Variants in TMEM178A observed in about 807,000 individuals in gnomAD.
TMEM178A encodes the protein transmembrane protein 178.
In TMEM178A, 12 loss-of-function variants were observed where a neutral mutation model predicts 29.1. That is an observed-to-expected ratio of 0.41 (90% confidence interval 0.26 to 0.67). TMEM178A has a LOEUF of 0.67. Among genes scored for constraint, TMEM178A ranks in the 30% least tolerant of loss-of-function variants. The pLI, the probability that TMEM178A is intolerant of heterozygous loss-of-function variation, is 0.29. For missense variants in TMEM178A, 366 were observed against 419.1 expected (o/e 0.87, Z 1.11); for synonymous variants, 210 against 187.2 (o/e 1.12, Z -0.99).
At chr2:39,695,331 G>T (rs951987937) in intron 1 of TMEM178A, among the ~76,000 whole-genome samples, 14 of 151,712 alleles carry the variant, frequency 9.2e-5, no homozygotes, top group African/African-American at 3.4e-4. Flanking sequence ...AACTGTTTCA[G>T]ACATACCTCT....
At chr2:39,702,913 A>G (rs1399321373) in intron 1 of TMEM178A, among the ~76,000 whole-genome samples, 1 of 152,148 alleles carries the variant, frequency 6.6e-6, no homozygotes. Context: ...TACATTTTTA[A>G]CGAGCCACCT....
downstream of TMEM178A, among the ~76,000 whole-genome samples, chr2:39,721,326 A>G (rs972966129): frequency 6.6e-6 from 1 of 152,258 alleles, no homozygotes; most frequent in Non-Finnish European, 1.5e-5. Flanking sequence ...TAATTGTCCT[A>G]AAACATTAGA....
chr2:39,706,978 C>T, intron 2 of TMEM178A, 71 bp from the exon 3 acceptor site: 4 of 1,531,114 alleles, frequency 2.6e-6, no homozygotes, highest in Non-Finnish European at 3.5e-6. Context: ...GTATACAAAG[C>T]CCTAATTCTC....
chr2:39,706,371 C>T (rs536652878), intron 2 of TMEM178A, among the ~76,000 whole-genome samples: 1 of 152,300 alleles, frequency 6.6e-6, no homozygotes, highest in African/African-American at 2.4e-5. Context: ...CATTTCTGAG[C>T]AGATGTTTCA....
intron 1 of TMEM178A, among the ~76,000 whole-genome samples, chr2:39,684,828 C>T (rs920615613): frequency 6.6e-6 from 1 of 152,226 alleles, no homozygotes; most frequent in East Asian, 1.9e-4. Context: ...AACCCTGTCC[C>T]CTACACCTTC....
the TMEM178A span, among the ~76,000 whole-genome samples, chr2:39,735,583 C>T: frequency 4.3e-3 from 653 of 152,326 alleles, 4 homozygotes; most frequent in African/African-American, 0.014. Flanking sequence ...TACCGAGTAA[C>T]GAATTCACAT....
At position 39,706,126 on chromosome 2, in the gene TMEM178A, C is replaced by T. The variant is rs563697009; in HGVS notation, c.515-923C>T. 6.6e-5 allele frequency among the ~76,000 whole-genome samples: 10 copies of T among 152,312 alleles called. No homozygotes were observed. In the South Asian group the frequency reaches 1.9e-3, roughly 28 times the overall value. On this transcript the variant is annotated intron_variant, in intron 2 of 3. Coordinates refer to ENST00000281961, the MANE Select transcript of TMEM178A (RefSeq NM_152390.3). ...GTGCTGGTTTAGCAGTTGGAGGCAA[C>T]TTGTGTCCAGGTACACGTAGTCAGC...
intron 1 of TMEM178A, chr2:39,687,456 T>G (rs1364207745): frequency 1.2e-5 from 2 of 167,074 alleles, no homozygotes; most frequent in Non-Finnish European, 2.9e-5. Flanking sequence ...ACCCCTGATG[T>G]GGGGCTCATG....
chr2:39,731,215 C>A, the TMEM178A span, among the ~76,000 whole-genome samples: 503 of 152,326 alleles, frequency 3.3e-3, 2 homozygotes, highest in Non-Finnish European at 5.3e-3. Context: ...CCAGTGAGGA[C>A]AAATTATTGC....
Position 39,665,988 on chromosome 2 carries a change from C to A in TMEM178A, c.14C>A (p.Ala5Glu). MEPR[A>E]LVTALSLGLS... ...GGGCGGGAAGCCATGGAGCCGCGGG[C>A]GCTCGTCACGGCGCTCAGCCTCGGC... The change falls in exon 1 of 4, where the codon GCG (alanine) becomes GAG (glutamate). Residue 5 changes from alanine (A) to glutamate (E), a missense_variant. By Grantham distance (107) the Ala-to-Glu change is moderately radical (BLOSUM62 -1). Coordinates refer to ENST00000281961, the MANE Select transcript of TMEM178A (RefSeq NM_152390.3). The A allele has an allele frequency of 7.1e-7, 1 of 1,402,638 alleles. No individual in the cohort carries two copies. The highest frequency in any genetic ancestry group is 9.3e-7 in the Non-Finnish European group (1 of 1,080,132). 86.9% of individuals were successfully genotyped at this position (1,402,638 alleles called of 1,614,324 possible). A position where few individuals can be genotyped will look rare whatever the true frequency, so the allele number is the denominator to read the frequency against.
chr2:39,679,110 C>T (rs1441730110), intron 1 of TMEM178A, among the ~76,000 whole-genome samples: 1 of 152,182 alleles, frequency 6.6e-6, no homozygotes, highest in South Asian at 2.1e-4. Context: ...GCACTTTCTA[C>T]ATTGTACTGT....
At chr2:39,706,462 C>A (rs1203030344) in intron 2 of TMEM178A, among the ~76,000 whole-genome samples, 1 of 152,188 alleles carries the variant, frequency 6.6e-6, no homozygotes, top group Non-Finnish European at 1.5e-5. Flanking sequence ...CCTTCGCTTT[C>A]TCAAATTGTT....
Position 39,666,132 on chromosome 2 carries a change from C to T in TMEM178A, c.158C>T (p.Pro53Leu). Residue 53 changes from proline (P) to leucine (L), a missense_variant, in exon 1 of 4, where the codon CCG (proline) becomes CTG (leucine). By Grantham distance (98) the Pro-to-Leu change is moderately conservative. Around this residue, in one of 2 missense-constraint regions of TMEM178A, gnomAD observed 247 missense variants for 246.8 expected, o/e 1.00. Coordinates refer to ENST00000281961, the MANE Select transcript of TMEM178A (RefSeq NM_152390.3). ...CGCAGCCGCGCGGGCGCCGACCCCC[C>T]GGACCAGAAGAACCGCCTGATGCCG... Reference protein sequence around the residue: ...CERSRAGADPPDQKNRLMPLS... With the variant: ...CERSRAGADPLDQKNRLMPLS... 6.5e-7 allele frequency: 1 copy of T among 1,541,752 alleles called. No homozygotes were observed. Among genetic ancestry groups the T allele is most frequent in the Non-Finnish European group, 8.7e-7 (1 of 1,150,286 alleles).
intron 1 of TMEM178A, among the ~76,000 whole-genome samples, chr2:39,672,374 G>C (rs1327918481): frequency 6.6e-6 from 1 of 152,190 alleles, no homozygotes; most frequent in Admixed American, 6.5e-5. Flanking sequence ...AAAAAAGGAA[G>C]AGTTTGCTAT....
intron 1 of TMEM178A, among the ~76,000 whole-genome samples, chr2:39,686,206 A>T (rs1671070292): frequency 6.6e-6 from 1 of 152,140 alleles, no homozygotes; most frequent in Non-Finnish European, 1.5e-5. Flanking sequence ...AGGGAAACAG[A>T]GGTGGGCTTT....
chr2:39,729,210 C>A, the TMEM178A span, among the ~76,000 whole-genome samples: 2 of 152,136 alleles, frequency 1.3e-5, no homozygotes, highest in Admixed American at 6.5e-5. Flanking sequence ...CCACCCCTGC[C>A]GGGGATCCAC....
chr2:39,729,751 T>G, the TMEM178A span, among the ~76,000 whole-genome samples: 1 of 152,120 alleles, frequency 6.6e-6, no homozygotes, highest in East Asian at 1.9e-4. Context: ...TGGGAGGGAG[T>G]TGAAAGTCAT....
chr2:39,735,035 T>G, the TMEM178A span, among the ~76,000 whole-genome samples: 553 of 152,294 alleles, frequency 3.6e-3, 3 homozygotes, highest in African/African-American at 0.012. Flanking sequence ...CTTCCTACAA[T>G]CAATTTGCAA....
chr2:39,731,599 G>A, the TMEM178A span, among the ~76,000 whole-genome samples: 6 of 152,162 alleles, frequency 3.9e-5, no homozygotes, highest in Admixed American at 2.0e-4. Context: ...TCATTCATGA[G>A]GGATATCTAC....
Sources: gnomAD v4.1 joint callset for allele counts (sites outside exome capture counted in the v4.1 genomes callset) on GRCh38, gnomAD v4.1.1 for gene constraint, gnomAD v4.1.1 regional missense constraint, MANE v1.5 for transcripts, NCBI Gene and HGNC (gene_info 2026-07-23, HGNC 2026-07-21) for gene names.